Variants in MCM7 observed in about 807,000 individuals in gnomAD.
MCM7 encodes minichromosome maintenance complex component 7, also known as DNA replication licensing factor MCM7.
A neutral mutation model predicts 83.5 loss-of-function variants in MCM7; 95 were observed. The ratio of observed to expected loss-of-function variants is 1.14; its 90% CI spans 0.96 to 1.35. The LOEUF (loss-of-function observed/expected upper bound fraction) is 1.35, where lower values mean the gene tolerates loss of function less well. Ranked by LOEUF, MCM7 falls within the 40% of genes most tolerant of loss-of-function variation. The pLI is 0.00. For synonymous variants in MCM7, 461 were observed against 352.7 expected (o/e 1.31, Z -3.44); for missense variants, 1,087 against 957.4 (o/e 1.14, Z -1.79).
At chr7:100,094,382 G>A in intron 12 of MCM7, 41 bp from the exon 13 acceptor site, 4 of 1,610,948 alleles carry the variant, frequency 2.5e-6, no homozygotes, top group Non-Finnish European at 3.4e-6. Context: ...GAGGGAGATG[G>A]GGAAGGGAGT....
At chr7:100,095,517 AC>A in intron 11 of MCM7, 47 bp from the exon 12 acceptor site, 1 of 1,567,686 alleles carries the variant, frequency 6.4e-7, no homozygotes, top group Non-Finnish European at 8.7e-7. Flanking sequence ...AGGGCTACGC[AC>A]CCATGTCCTC....
chr7:100,096,676 G>A (rs1277641167), intron 10 of MCM7, among the ~76,000 whole-genome samples: 1 of 152,104 alleles, frequency 6.6e-6, no homozygotes. Flanking sequence ...TCGGGAGGCC[G>A]AAGCAGGAGA....
Position 100,092,777 on chromosome 7 carries a change from A to G in MCM7, c.*155T>C. The G allele has an allele frequency of 1.3e-6, 1 of 759,726 alleles. No homozygotes were observed. The highest frequency in any genetic ancestry group is 2.1e-6 in the Non-Finnish European group (1 of 469,646). The allele number at this position is 759,726 out of a possible 1,614,324, so 47.1% of individuals were successfully genotyped here. A position where few individuals can be genotyped will look rare whatever the true frequency, so the allele number is the denominator to read the frequency against. On this transcript the variant is annotated 3_prime_UTR_variant, in exon 15 of 15. Coordinates refer to ENST00000303887, the MANE Select transcript of MCM7 (RefSeq NM_005916.5). The stretch of plus-strand genomic sequence containing the variant: ...TAATGGAAGTCAGGCCCAGGCTAGA[A>G]GATGACAATCTACAAACACTTTTAT...
At chr7:100,095,726 C>T in intron 11 of MCM7, 48 bp downstream of exon 11, 2 of 1,529,994 alleles carry the variant, frequency 1.3e-6, no homozygotes, top group South Asian at 2.5e-5. Flanking sequence ...CTCCTCCCTA[C>T]ACAGATCATT....
chr7:100,093,215 T>TAGA, intron 14 of MCM7, 77 bp downstream of exon 14: 1 of 1,598,628 alleles, frequency 6.3e-7, no homozygotes, highest in Non-Finnish European at 8.6e-7. Context: ...TGGCCAGTGT[T>TAGA]AGAATTGAGG....
intron 13 of MCM7, chr7:100,093,706 C>T (rs1185841674): frequency 1.0e-5 from 7 of 672,184 alleles, no homozygotes; most frequent in Non-Finnish European, 2.0e-5. Flanking sequence ...CTGGGCTCCC[C>T]AGCATGACAG....
In MCM7 at chr7:100,093,414, T is replaced by C; in HGVS notation, c.1849-13A>G. On this transcript the variant is annotated splice_polypyrimidine_tract_variant and intron_variant, in intron 13 of 14. Coordinates refer to ENST00000303887, the MANE Select transcript of MCM7 (RefSeq NM_005916.5). The stretch of plus-strand genomic sequence containing the variant: ...TTCTCAGACGTGCCTAAGGGGAAGG[T>C]AGGGGGGAAAGATGGGAACGGGAGG... 2 of 1,611,838 alleles carry C rather than the reference T, an allele frequency of 1.2e-6. No individual in the cohort carries two copies. Among genetic ancestry groups the C allele is most frequent in the Non-Finnish European group, 1.7e-6 (2 of 1,178,260 alleles).
chr7:100,098,311 T>A, intron 6 of MCM7, 21 bp from the exon 7 acceptor site: 1 of 1,612,988 alleles, frequency 6.2e-7, no homozygotes, highest in Non-Finnish European at 8.5e-7. Context: ...GAAAGGCACA[T>A]AAGACTAGGA....
Position 100,095,477 on chromosome 7 carries a change from A to G in MCM7, c.1596-7T>C. 6.2e-7 allele frequency: 1 copy of G among 1,613,734 alleles called. No homozygotes were observed. ...GGTGATGTGCTGGGCCAACCTGGACAGAGGGAAGGTTAGAAGGAACACCCT... is the reference window on the plus strand; with the variant it reads ...GGTGATGTGCTGGGCCAACCTGGACGGAGGGAAGGTTAGAAGGAACACCCT... On this transcript the variant is annotated splice_region_variant and splice_polypyrimidine_tract_variant and intron_variant, in intron 11 of 14. Coordinates refer to ENST00000303887, the MANE Select transcript of MCM7 (RefSeq NM_005916.5).
At chr7:100,097,121 C>T (rs1201259351) in intron 10 of MCM7, among the ~76,000 whole-genome samples, 180 bp downstream of exon 10, 1 of 152,090 alleles carries the variant, frequency 6.6e-6, no homozygotes, top group East Asian at 1.9e-4. Flanking sequence ...AAAACAAAAA[C>T]AAAACTTTTT....
Position 100,098,276 on chromosome 7 carries a change from A to C in MCM7, c.735T>G (p.Pro245=). ...TGATACTACGAGGGATATTTCCCACAGGCACCTGATCACTCTAGGGGAGGG... is the reference window on the plus strand; with the variant it reads ...TGATACTACGAGGGATATTTCCCACCGGCACCTGATCACTCTAGGGGAGGG... ...MKMQEHSDQV[P]VGNIPRSITV... The change falls in exon 7 of 15, where the codon CCT becomes CCG. Residue 245 remains proline (P), a synonymous_variant. Coordinates refer to ENST00000303887, the MANE Select transcript of MCM7 (RefSeq NM_005916.5). The C allele has an allele frequency of 6.2e-7, 1 of 1,614,146 alleles. No individual in the cohort carries two copies. Among genetic ancestry groups the C allele is most frequent in the Non-Finnish European group, 8.5e-7 (1 of 1,180,018 alleles).
intron 12 of MCM7, 87 bp from the exon 13 acceptor site, chr7:100,094,428 C>G (rs1795510934): frequency 1.4e-6 from 2 of 1,470,830 alleles, no homozygotes; most frequent in Non-Finnish European, 1.9e-6. Flanking sequence ...TACCAGGGCT[C>G]CCCATTTAAC....
At position 100,093,415 on chromosome 7, in the gene MCM7, A is replaced by AG. The variant is rs763126262; in HGVS notation, c.1849-15dup. 8.1e-6 allele frequency: 13 copies of AG among 1,611,256 alleles called. No individual in the cohort carries two copies. The highest frequency in any genetic ancestry group is 6.7e-5 in the African/African-American group (5 of 74,870). ...TCTCAGACGTGCCTAAGGGGAAGGT[A>AG]GGGGGGAAAGATGGGAACGGGAGGA... On this transcript the variant is annotated splice_polypyrimidine_tract_variant and intron_variant, in intron 13 of 14. Coordinates refer to ENST00000303887, the MANE Select transcript of MCM7 (RefSeq NM_005916.5).
intron 1 of MCM7, chr7:100,100,993 C>T (rs1443580440): frequency 1.6e-5 from 14 of 878,878 alleles, no homozygotes; most frequent in Non-Finnish European, 2.1e-5. Context: ...CTGTGCAGCC[C>T]CCAGCCGGGT....
intron 5 of MCM7, 70 bp from the exon 6 acceptor site, chr7:100,098,785 A>G: frequency 1.3e-6 from 2 of 1,584,684 alleles, no homozygotes; most frequent in Non-Finnish European, 1.7e-6. Flanking sequence ...GGTCCTTTGA[A>G]TCACATTTTC....
rs531476711 is a variant in MCM7 at position 100,099,157 on chromosome 7, G to T, written c.448C>A (p.Arg150=). ...GPSSNKPRVI[R]EVRADSVGKL... ...CCCACAGAGTCAGCCCGCACTTCCC[G>T]GATCACACGAGGCTTGTTGCTGCTA... Residue 150 remains arginine, a synonymous_variant, in exon 5 of 15, where the codon CGG becomes AGG. Transcript: ENST00000303887. 2 of 1,614,036 alleles carry T rather than the reference G, an allele frequency of 1.2e-6. No homozygotes were observed. Among genetic ancestry groups the T allele is most frequent in the Non-Finnish European group, 1.7e-6 (2 of 1,180,030 alleles).
intron 14 of MCM7, 57 bp downstream of exon 14, chr7:100,093,235 G>A: frequency 1.3e-5 from 21 of 1,590,480 alleles, no homozygotes; most frequent in Non-Finnish European, 1.8e-5. Context: ...GCCAACCTCA[G>A]ACACATGGCC....
Position 100,097,651 on chromosome 7 carries a change from C to T in MCM7, c.1080G>A (p.Gly360=). 1 of 1,614,190 alleles carries T rather than the reference C, an allele frequency of 6.2e-7. No homozygotes were observed. The highest frequency in any genetic ancestry group is 1.3e-5 in the African/African-American group (1 of 75,056). ...TGCCTCGAGGAGACTGGTCCACACC[C>T]CCGACTAGCAGGAGCAGCAGTGCCT... ...VKKALLLLLV[G]GVDQSPRGMK... Residue 360 remains glycine, a synonymous_variant, in exon 9 of 15, where the codon GGG becomes GGA. Transcript: ENST00000303887.
In MCM7 at chr7:100,098,975, A is replaced by C. The variant is rs746308786; in HGVS notation, c.582+48T>G. 6 of 1,609,632 alleles carry C rather than the reference A, an allele frequency of 3.7e-6. No homozygotes were observed. In the African/African-American group the frequency reaches 8.0e-5, roughly 21 times the overall value. ...ATCACAGGATCAAATTAATCTCTAC[A>C]AAACAACTAATGGGTAAGTGCTTTC... is the stretch of plus-strand genomic sequence containing the variant. On this transcript the variant is annotated intron_variant, in intron 5 of 14. Transcript: ENST00000303887.
Sources: allele counts gnomAD v4.1 joint callset (sites outside exome capture counted in the v4.1 genomes callset), GRCh38; gene constraint gnomAD v4.1.1; transcripts MANE v1.5; gene names NCBI Gene and HGNC (gene_info 2026-07-23, HGNC 2026-07-21).